The following PAX6 variants were observed in gnomAD, a reference collection of about 807,000 sequenced individuals.
PAX6 encodes paired box protein Pax-6.
Under a neutral mutation model 60.7 loss-of-function variants are expected in PAX6, and 7 were observed. That is an observed-to-expected ratio of 0.12 (90% CI 0.07 to 0.22). The LOEUF is 0.22. Ranked by LOEUF, PAX6 falls within the 10% of genes least tolerant of loss-of-function variation. PAX6 has a pLI of 1.00. For missense variants in PAX6, 355 were observed against 555.2 expected (o/e 0.64, Z 3.62); for synonymous variants, 208 against 201.2 (o/e 1.03, Z -0.29).
intron 4 of PAX6, chr11:31,805,959 G>GC (rs1955660868): frequency 5.9e-6 from 1 of 170,236 alleles, no homozygotes; most frequent in South Asian, 1.9e-4. Flanking sequence ...GGGGAGAGAA[G>GC]CCCCCAACCC....
chr11:31,817,167 T>G (rs1261289253), intron 1 of PAX6, among the ~76,000 whole-genome samples: 2 of 152,224 alleles, frequency 1.3e-5, no homozygotes, highest in African/African-American at 2.4e-5. Context: ...TCAGTGAGAA[T>G]CGCTAATTAT....
rs1462763303 is a variant in PAX6, at chr11:31,801,540, A to C, written c.399+21T>G. The C allele has an allele frequency of 2.5e-6, 4 of 1,614,084 alleles. No homozygotes were observed. In the Admixed American group the frequency reaches 6.7e-5, roughly 27 times the overall value. Reference sequence around the variant, plus strand: ...GCATTGGGCTTAGGGCAGGGAGGGCAGATGTTCTCAATGAACTTACGCTTG... The same window carrying C: ...GCATTGGGCTTAGGGCAGGGAGGGCCGATGTTCTCAATGAACTTACGCTTG... On this transcript the variant is annotated intron_variant, in intron 7 of 13. Coordinates refer to ENST00000640368, the MANE Select transcript of PAX6 (RefSeq NM_001368894.2).
intron 4 of PAX6, chr11:31,806,190 G>A: frequency 1.9e-6 from 1 of 531,328 alleles, no homozygotes; most frequent in Non-Finnish European, 3.3e-6. Context: ...TAAGGGCCCA[G>A]CCCCTGCTTC....
rs1246154713 is a variant in PAX6, at chr11:31,789,457, G to C, written c.*477C>G. ...TGTTCCAGGTTTAATTATATGCAAAGGAATGATACAAACTTGGAACATCAG... is the reference window on the plus strand; with the variant it reads ...TGTTCCAGGTTTAATTATATGCAAACGAATGATACAAACTTGGAACATCAG... On this transcript the variant is annotated 3_prime_UTR_variant, in exon 14 of 14. Coordinates refer to ENST00000640368, the MANE Select transcript of PAX6 (RefSeq NM_001368894.2). 1 of 462,680 alleles carries C rather than the reference G, an allele frequency of 2.2e-6. No homozygotes were observed. The highest frequency in any genetic ancestry group is 3.8e-6 in the Non-Finnish European group (1 of 264,716). 28.7% of individuals were successfully genotyped at this position (462,680 alleles called of 1,614,324 possible).
intron 3 of PAX6, 30 bp from the exon 4 acceptor site, chr11:31,806,492 C>A (rs942203415): frequency 2.3e-5 from 35 of 1,541,338 alleles, no homozygotes; most frequent in Non-Finnish European, 3.1e-5. Flanking sequence ...AGTTAATCCT[C>A]GGGCAGCTGC....
At chr11:31,800,545 G>A in intron 8 of PAX6, 146 bp downstream of exon 8, 1 of 972,640 alleles carries the variant, frequency 1.0e-6, no homozygotes, top group Non-Finnish European at 1.6e-6. Context: ...ATACAATGTG[G>A]TCGATGTGTC....
upstream of PAX6, chr11:31,811,492 G>C (rs867206204): frequency 6.3e-6 from 2 of 319,878 alleles, no homozygotes; most frequent in South Asian, 1.6e-4. Flanking sequence ...TCCTCTCCCC[G>C]GCGCAGGGCC....
At chr11:31,808,336 A>C (rs1444494545) in intron 2 of PAX6, 1 of 152,236 alleles carries the variant, frequency 6.6e-6, no homozygotes, top group African/African-American at 2.4e-5. Flanking sequence ...GCATTGGGTA[A>C]ATACTGGCCA....
intron 12 of PAX6, chr11:31,791,110 T>C (rs1186491179): frequency 1.7e-6 from 1 of 578,864 alleles, no homozygotes; most frequent in African/African-American, 1.9e-5. Context: ...ACTGTCCAGC[T>C]AGATGGTTGC....
intron 13 of PAX6, chr11:31,790,472 C>T: frequency 7.3e-7 from 1 of 1,378,966 alleles, no homozygotes; most frequent in Non-Finnish European, 9.4e-7. Flanking sequence ...AGTCTCAGGC[C>T]TTGTCTTCAT....
chr11:31,803,189 C>G (rs1954683846), intron 4 of PAX6: 1 of 358,240 alleles, frequency 2.8e-6, no homozygotes, highest in Non-Finnish European at 5.4e-6. Context: ...TACACATGGA[C>G]CTCACTACAG....
At chr11:31,797,983 TGAGAGA>T (rs10694272) in intron 8 of PAX6, among the ~76,000 whole-genome samples, 2 of 148,192 alleles carry the variant, frequency 1.3e-5, no homozygotes, top group Non-Finnish European at 3.0e-5. Context: ...TGGAAGGAGG[TGAGAGA>T]GAGAGAGAGA....
chr11:31,804,782 A>G (rs1034918940), intron 4 of PAX6: 9 of 152,386 alleles, frequency 5.9e-5, no homozygotes, highest in African/African-American at 2.2e-4. Flanking sequence ...TGCTAATGCC[A>G]AGGCGGGCGC....
chr11:31,816,551 G>A, intron 1 of PAX6: 1 of 702,642 alleles, frequency 1.4e-6, no homozygotes, highest in Non-Finnish European at 2.6e-6. Context: ...GACTGGAGGA[G>A]AAGGTCCACT....
chr11:31,807,648 A>G (rs890327618), intron 2 of PAX6: 13 of 152,188 alleles, frequency 8.5e-5, no homozygotes, highest in Admixed American at 7.2e-4. Flanking sequence ...TCACTGCTTT[A>G]AAAAGTACGA....
At chr11:31,795,550 G>T (rs1951212643) in intron 8 of PAX6, among the ~76,000 whole-genome samples, 1 of 152,312 alleles carries the variant, frequency 6.6e-6, no homozygotes, top group East Asian at 1.9e-4. Flanking sequence ...AATTTTTAAC[G>T]TGTAATTTTA....
chr11:31,815,903 C>A (rs1341462976), upstream of PAX6, among the ~76,000 whole-genome samples: 1 of 152,210 alleles, frequency 6.6e-6, no homozygotes, highest in African/African-American at 2.4e-5. Flanking sequence ...GACAGAGGGG[C>A]TGACAGGAAC....
At chr11:31,813,686 T>C (rs1216430099), upstream of PAX6, among the ~76,000 whole-genome samples, 1 of 152,118 alleles carries the variant, frequency 6.6e-6, no homozygotes, top group Non-Finnish European at 1.5e-5. Context: ...GAAAGACTCC[T>C]GGAAACTCCT....
At chr11:31,798,616 G>A (rs936206769) in intron 8 of PAX6, among the ~76,000 whole-genome samples, 2 of 152,154 alleles carry the variant, frequency 1.3e-5, no homozygotes, top group Admixed American at 1.3e-4. Context: ...TAGGGGCGAC[G>A]GTCCTGTGCC....
Sources: allele counts gnomAD v4.1 joint callset (sites outside exome capture counted in the v4.1 genomes callset), GRCh38; gene constraint gnomAD v4.1.1; transcripts MANE v1.5; gene names NCBI Gene and HGNC (gene_info 2026-07-23, HGNC 2026-07-21).